Variants in NCKAP5 observed in about 807,000 individuals in gnomAD.
The protein encoded by NCKAP5 is NCK associated protein 5.
A neutral mutation model predicts 167.0 loss-of-function variants in NCKAP5; 92 were observed. The ratio of observed to expected loss-of-function variants is 0.55; its 90% CI spans 0.47 to 0.66. The LOEUF is 0.66. NCKAP5 is among the 30% of genes least tolerant of loss of function. The pLI is 0.00. For missense variants in NCKAP5, 2,378 were observed against 2,315.0 expected, an observed-to-expected ratio of 1.03 and a Z score of -0.56; for synonymous variants, 891 against 877.4, an observed-to-expected ratio of 1.02 and a Z score of -0.27.
chr2:132,983,027 T>C (rs1322157284), intron 7 of NCKAP5, among the ~76,000 whole-genome samples: 1 of 152,092 alleles, frequency 6.6e-6, no homozygotes, highest in Non-Finnish European at 1.5e-5. Context: ...GTGGAGATCT[T>C]CTACCTCCTT....
intron 11 of NCKAP5, among the ~76,000 whole-genome samples, chr2:132,857,107 C>T (rs1408079616): frequency 6.6e-6 from 1 of 151,664 alleles, no homozygotes; most frequent in Non-Finnish European, 1.5e-5. Context: ...TGGTAAGTGA[C>T]ATTTTTGGTA....
At chr2:133,488,108 T>C (rs775980163) in intron 3 of NCKAP5, among the ~76,000 whole-genome samples, 13 of 152,262 alleles carry the variant, frequency 8.5e-5, no homozygotes, top group Non-Finnish European at 1.5e-4. Context: ...AATGCAGTTA[T>C]GAATTTTAAA....
At chr2:133,609,633 C>T in the NCKAP5 span, among the ~76,000 whole-genome samples, 2 of 152,090 alleles carry the variant, frequency 1.3e-5, no homozygotes, top group Non-Finnish European at 2.9e-5. Context: ...GATTTTATCT[C>T]CCCAGAGACA....
intron 5 of NCKAP5, among the ~76,000 whole-genome samples, chr2:133,165,106 C>T (rs888051269): frequency 6.6e-6 from 1 of 152,126 alleles, no homozygotes; most frequent in Non-Finnish European, 1.5e-5. Flanking sequence ...CTGCCATCTG[C>T]AAGGTGAAGG....
At chr2:133,431,881 T>A (rs544469422) in intron 3 of NCKAP5, 9 of 152,254 alleles carry the variant, frequency 5.9e-5, no homozygotes, top group Admixed American at 3.9e-4. Context: ...TCCATTTACA[T>A]GAGTATAAAG....
intron 3 of NCKAP5, among the ~76,000 whole-genome samples, chr2:133,500,873 T>C (rs185151050): frequency 5.3e-4 from 80 of 152,294 alleles, no homozygotes; most frequent in African/African-American, 1.8e-3. Flanking sequence ...ACATTTCCAT[T>C]ATTCCTTACT....
At chr2:132,694,454 A>C (rs1687121235) in intron 19 of NCKAP5, among the ~76,000 whole-genome samples, 1 of 141,482 alleles carries the variant, frequency 7.1e-6, no homozygotes, top group Non-Finnish European at 1.6e-5. Flanking sequence ...TTTCTTGCAA[A>C]GGTGTACTTG....
intron 3 of NCKAP5, among the ~76,000 whole-genome samples, chr2:133,511,308 C>T (rs1683469758): frequency 2.0e-5 from 3 of 152,172 alleles, no homozygotes. Context: ...TGGGTGGTGC[C>T]CTCCTGGCCC....
At chr2:133,521,106 A>T (rs1189819580) in intron 2 of NCKAP5, among the ~76,000 whole-genome samples, 1 of 152,232 alleles carries the variant, frequency 6.6e-6, no homozygotes, top group Non-Finnish European at 1.5e-5. Flanking sequence ...CAATGAAAAT[A>T]TCAGAAAGGC....
chr2:133,234,697 C>A (rs2087313634), intron 4 of NCKAP5, among the ~76,000 whole-genome samples: 1 of 151,932 alleles, frequency 6.6e-6, no homozygotes, highest in African/African-American at 2.4e-5. Context: ...TTTCCAGGTG[C>A]TTTTGAAAGA....
At chr2:133,128,840 C>T (rs1352124419) in intron 6 of NCKAP5, among the ~76,000 whole-genome samples, 6 of 152,038 alleles carry the variant, frequency 3.9e-5, no homozygotes, top group African/African-American at 1.4e-4. Context: ...TCAAATGATC[C>T]GCCCACCTTG....
chr2:132,717,168 T>C (rs1313580888), intron 19 of NCKAP5, among the ~76,000 whole-genome samples: 1 of 152,210 alleles, frequency 6.6e-6, no homozygotes, highest in African/African-American at 2.4e-5. Flanking sequence ...GAAAGTGTAA[T>C]GCTGGGAGAC....
chr2:133,340,267 G>C (rs1402706604), intron 3 of NCKAP5, among the ~76,000 whole-genome samples: 1 of 152,076 alleles, frequency 6.6e-6, no homozygotes, highest in South Asian at 2.1e-4. Context: ...TGAAATTGAG[G>C]ATAATAAATT....
At chr2:133,439,425 C>T (rs1343025702) in intron 3 of NCKAP5, among the ~76,000 whole-genome samples, 7 of 152,164 alleles carry the variant, frequency 4.6e-5, no homozygotes, top group African/African-American at 2.4e-5. Context: ...TCGGGGGCAA[C>T]AGTGCCAATT....
At chr2:133,448,287 A>C (rs1691334025) in intron 3 of NCKAP5, among the ~76,000 whole-genome samples, 1 of 150,792 alleles carries the variant, frequency 6.6e-6, no homozygotes, top group Non-Finnish European at 1.5e-5. Flanking sequence ...TGGTGGCCAC[A>C]ATTTAAAAGC....
intron 7 of NCKAP5, among the ~76,000 whole-genome samples, chr2:132,974,279 T>TAATTCA (rs2076914513): frequency 6.6e-6 from 1 of 152,220 alleles, no homozygotes; most frequent in Admixed American, 6.5e-5. Flanking sequence ...ATCCACCTAC[T>TAATTCA]AATTCATAGC....
chr2:133,343,404 A>G (rs1683729511), intron 3 of NCKAP5, among the ~76,000 whole-genome samples: 1 of 152,106 alleles, frequency 6.6e-6, no homozygotes, highest in South Asian at 2.1e-4. Flanking sequence ...AAAGAAACAC[A>G]TGTATCTGCA....
intron 19 of NCKAP5, among the ~76,000 whole-genome samples, chr2:132,699,861 G>A (rs551878723): frequency 2.6e-5 from 4 of 152,242 alleles, no homozygotes; most frequent in East Asian, 3.9e-4. Context: ...GGGATGGCTG[G>A]GTCAAATGAT....
chr2:133,251,388 C>T (rs755011487), intron 4 of NCKAP5, among the ~76,000 whole-genome samples: 1 of 151,844 alleles, frequency 6.6e-6, no homozygotes, highest in South Asian at 2.1e-4. Context: ...TTTTTTTTTA[C>T]CCAGACCCTA....
Sources: gnomAD v4.1 joint callset for allele counts (sites outside exome capture counted in the v4.1 genomes callset) on GRCh38, gnomAD v4.1.1 for gene constraint, MANE v1.5 for transcripts, NCBI Gene and HGNC (gene_info 2026-07-23, HGNC 2026-07-21) for gene names.